DNAAF4: variants seen among roughly 807,000 people sequenced by gnomAD.
The protein encoded by DNAAF4 is dynein assembly factor 4, axonemal.
In DNAAF4, 43 loss-of-function variants were observed where a neutral mutation model predicts 51.8. The ratio of observed to expected loss-of-function variants is 0.83; its 90% confidence interval spans 0.65 to 1.07. DNAAF4 has a LOEUF of 1.07. Among genes scored for constraint, DNAAF4 ranks in the 50% least tolerant of loss-of-function variants. DNAAF4 has a pLI of 0.00. For synonymous variants in DNAAF4, 194 were observed against 165.6 expected, an observed-to-expected ratio of 1.17 and a Z score of -1.32; for missense variants, 581 against 493.0, an observed-to-expected ratio of 1.18 and a Z score of -1.69.
At chr15:55,477,716 T>TA (rs1595936533) in intron 4 of DNAAF4, among the ~76,000 whole-genome samples, 2 of 151,526 alleles carry the variant, frequency 1.3e-5, no homozygotes, top group East Asian at 3.9e-4. Context: ...TCTATATAGG[T>TA]AAAAAATTAA....
chr15:55,462,656 G>C (rs1476101039), intron 5 of DNAAF4, among the ~76,000 whole-genome samples: 1 of 148,282 alleles, frequency 6.7e-6, no homozygotes, highest in Non-Finnish European at 1.5e-5. Context: ...GAAAACTACA[G>C]AACAATATCC....
intron 8 of DNAAF4, 80 bp from the exon 9 acceptor site, chr15:55,432,682 A>C: frequency 7.7e-7 from 1 of 1,301,600 alleles, no homozygotes; most frequent in African/African-American, 1.5e-5. Flanking sequence ...ATGGTGGCTC[A>C]CGCCTGTAAT....
chr15:55,465,706 A>T (rs2058161578), intron 5 of DNAAF4, among the ~76,000 whole-genome samples: 1 of 151,878 alleles, frequency 6.6e-6, no homozygotes, highest in Non-Finnish European at 1.5e-5. Flanking sequence ...AGCTGGGATT[A>T]CAGATATGTG....
chr15:55,420,663 A>G (rs1276874697), intron 7 of DNAAF4, among the ~76,000 whole-genome samples: 1 of 152,200 alleles, frequency 6.6e-6, no homozygotes, highest in Non-Finnish European at 1.5e-5. Context: ...CACTTCCTCA[A>G]AACATCAAAT....
At chr15:55,472,600 A>G (rs1405165541) in intron 4 of DNAAF4, among the ~76,000 whole-genome samples, 1 of 152,176 alleles carries the variant, frequency 6.6e-6, no homozygotes, top group African/African-American at 2.4e-5. Flanking sequence ...CCTGGGTGAC[A>G]CAGTGAGACT....
chr15:55,462,891 C>G (rs2058113318), intron 5 of DNAAF4, among the ~76,000 whole-genome samples: 1 of 152,136 alleles, frequency 6.6e-6, no homozygotes, highest in Non-Finnish European at 1.5e-5. Context: ...GCATTTGAGG[C>G]CGAGTGTGGT....
In DNAAF4 at chr15:55,498,232, A is replaced by C. The variant is rs745991235; in HGVS notation, c.98T>G (p.Val33Gly). 6.2e-7 allele frequency: 1 copy of C among 1,614,032 alleles called. No individual in the cohort carries two copies. The highest frequency in any genetic ancestry group is 1.1e-5 in the South Asian group (1 of 91,042). ...CTTCAGATAGTTTTCCGTGCAGAAC[A>C]CGTCCGTGTCTCTGACGCACACGCC... The part of the protein sequence containing the change: ...LKGVCVRDTD[V>G]FCTENYLKVN... The change falls in exon 2 of 10, where the codon GTG becomes GGG. Residue 33 changes from valine to glycine, a missense_variant. Physicochemically the swap from Val to Gly is moderately radical, Grantham distance 109 (BLOSUM62 -3). Coordinates refer to ENST00000321149, the MANE Select transcript of DNAAF4 (RefSeq NM_130810.4).
chr15:55,438,560 T>G (rs1051865538), intron 7 of DNAAF4, among the ~76,000 whole-genome samples: 2 of 151,968 alleles, frequency 1.3e-5, no homozygotes, highest in Non-Finnish European at 2.9e-5. Context: ...GGTGGATGAA[T>G]CACTAGAGGT....
intron 1 of DNAAF4, among the ~76,000 whole-genome samples, chr15:55,503,933 G>A (rs528309555): frequency 6.6e-6 from 1 of 152,154 alleles, no homozygotes; most frequent in Non-Finnish European, 1.5e-5. Flanking sequence ...AGGGCAATCA[G>A]GCAAGAGAAA....
intron 5 of DNAAF4, among the ~76,000 whole-genome samples, chr15:55,460,743 T>C (rs1042533268): frequency 2.6e-5 from 4 of 151,810 alleles, no homozygotes; most frequent in Admixed American, 6.6e-5. Flanking sequence ...AACCAAATGA[T>C]AGAACACAAA....
intron 5 of DNAAF4, among the ~76,000 whole-genome samples, chr15:55,457,682 C>A (rs921849738): frequency 1.3e-5 from 2 of 152,202 alleles, no homozygotes; most frequent in African/African-American, 4.8e-5. Context: ...CCACTTCCTG[C>A]AACACCCTGT....
At chr15:55,487,019 T>G (rs2058499228) in intron 4 of DNAAF4, among the ~76,000 whole-genome samples, 1 of 152,202 alleles carries the variant, frequency 6.6e-6, no homozygotes, top group Non-Finnish European at 1.5e-5. Flanking sequence ...CAAACTCAAC[T>G]AATTTTACAC....
chr15:55,505,544 A>G (rs994816550), intron 1 of DNAAF4, among the ~76,000 whole-genome samples: 2 of 152,250 alleles, frequency 1.3e-5, no homozygotes, highest in Non-Finnish European at 2.9e-5. Flanking sequence ...AGACTGGATA[A>G]AGAAAATGTG....
At position 55,473,198 on chromosome 15, in the gene DNAAF4, A is replaced by AAAAATATATAT. The variant is rs1209754897; in HGVS notation, c.406-6038_406-6037insATATATATTTT. 3.2e-4 allele frequency among the ~76,000 whole-genome samples: 24 copies of AAAAATATATAT among 75,742 alleles called. 2 individuals are homozygous for AAAAATATATAT. The highest frequency in any genetic ancestry group is 6.5e-4 in the Admixed American group (4 of 6,138). The allele number at this position is 75,742 out of a possible 152,430, so 49.7% of individuals were successfully genotyped here. On this transcript the variant is annotated intron_variant, in intron 4 of 9. Coordinates refer to ENST00000321149, the MANE Select transcript of DNAAF4 (RefSeq NM_130810.4). The stretch of plus-strand genomic sequence containing the variant: ...ACAAAAAAAAAACCTAAAAAAAAAA[A>AAAAATATATAT]ATATATATATATATATATATATATG...
intron 5 of DNAAF4, among the ~76,000 whole-genome samples, chr15:55,455,159 G>T (rs1290283721): frequency 1.4e-5 from 2 of 144,334 alleles, no homozygotes; most frequent in Non-Finnish European, 3.0e-5. Context: ...AAAAACTCCA[G>T]ACCTAGACAG....
intron 7 of DNAAF4, among the ~76,000 whole-genome samples, chr15:55,420,024 A>G (rs1315741394): frequency 6.6e-6 from 1 of 152,196 alleles, no homozygotes; most frequent in East Asian, 1.9e-4. Flanking sequence ...AATAAAAAAA[A>G]GTATTTTGGG....
chr15:55,421,557 A>C (rs1468077537), intron 7 of DNAAF4, among the ~76,000 whole-genome samples: 2 of 152,090 alleles, frequency 1.3e-5, no homozygotes, highest in African/African-American at 2.4e-5. Context: ...ATCATCTGGA[A>C]TTTCATTATA....
intron 4 of DNAAF4, among the ~76,000 whole-genome samples, chr15:55,482,963 C>CCA (rs1307588977): frequency 3.9e-5 from 6 of 152,136 alleles, no homozygotes; most frequent in African/African-American, 1.4e-4. Flanking sequence ...CATCCAAAGA[C>CCA]CACACACTGT....
chr15:55,480,623 A>G (rs891767105), intron 4 of DNAAF4, among the ~76,000 whole-genome samples: 3 of 151,944 alleles, frequency 2.0e-5, no homozygotes, highest in Non-Finnish European at 4.4e-5. Context: ...TGCAACCATC[A>G]GGCACAAACA....
Sources: gnomAD v4.1 joint callset for allele counts (sites outside exome capture counted in the v4.1 genomes callset) on GRCh38, gnomAD v4.1.1 for gene constraint, MANE v1.5 for transcripts, NCBI Gene and HGNC (gene_info 2026-07-23, HGNC 2026-07-21) for gene names.